The following CDYL2 variants were observed in gnomAD, a reference collection of about 807,000 sequenced individuals.
CDYL2 encodes chromodomain Y-like protein 2.
CDYL2 carries 23 observed loss-of-function variants against 49.4 expected under a neutral mutation model. The ratio of observed to expected loss-of-function variants is 0.47; its 90% CI spans 0.34 to 0.66. The LOEUF (loss-of-function observed/expected upper bound fraction) is 0.66, where lower values mean the gene tolerates loss of function less well. Ranked by LOEUF, CDYL2 falls within the 30% of genes least tolerant of loss-of-function variation. The pLI is 0.01. For missense variants in CDYL2, 678 were observed against 656.4 expected (o/e 1.03, Z -0.36); for synonymous variants, 360 against 268.8 (o/e 1.34, Z -3.32).
chr16:80,673,580 A>G (rs932615672), intron 2 of CDYL2, among the ~76,000 whole-genome samples: 3 of 152,212 alleles, frequency 2.0e-5, no homozygotes, highest in African/African-American at 7.2e-5. Flanking sequence ...TTAATAATCT[A>G]GACGACAAAA....
At chr16:80,604,975 C>A (rs758264996) in intron 6 of CDYL2, among the ~76,000 whole-genome samples, 15 of 152,324 alleles carry the variant, frequency 9.8e-5, no homozygotes, top group Non-Finnish European at 1.6e-4. Flanking sequence ...TTGTCACATA[C>A]AACTCACCCT....
intron 1 of CDYL2, among the ~76,000 whole-genome samples, chr16:80,712,590 G>A (rs1904657027): frequency 6.6e-6 from 1 of 152,096 alleles, no homozygotes; most frequent in Admixed American, 6.5e-5. Flanking sequence ...AGAAGTGGGT[G>A]GCTGGAGGCA....
At chr16:80,615,089 T>A (rs999969813) in intron 4 of CDYL2, among the ~76,000 whole-genome samples, 7 of 152,094 alleles carry the variant, frequency 4.6e-5, no homozygotes, top group African/African-American at 1.7e-4. Flanking sequence ...GCTTGAGGCA[T>A]CACATTCCCT....
At chr16:80,692,856 C>A (rs961716050) in intron 1 of CDYL2, among the ~76,000 whole-genome samples, 26 of 152,176 alleles carry the variant, frequency 1.7e-4, no homozygotes, top group Admixed American at 1.5e-3. Context: ...AGAAAGAACA[C>A]ACGCCCATAA....
At chr16:80,641,200 A>C (rs1384061383) in intron 2 of CDYL2, among the ~76,000 whole-genome samples, 1 of 152,198 alleles carries the variant, frequency 6.6e-6, no homozygotes, top group Non-Finnish European at 1.5e-5. Flanking sequence ...AAGATTCCAA[A>C]AGCAGCAAGA....
At chr16:80,670,003 A>C (rs895228071) in intron 2 of CDYL2, among the ~76,000 whole-genome samples, 3 of 152,196 alleles carry the variant, frequency 2.0e-5, no homozygotes, top group African/African-American at 7.2e-5. Flanking sequence ...AAGTCTGCCT[A>C]AGTCCACCCA....
At position 80,612,564 on chromosome 16, in the gene CDYL2, T is replaced by TA; in HGVS notation, c.1218+61dup. ...GGTTTCTAGCCCCATGAAGAGCCCC[T>TA]AAACCCAAGGCAGAGGAAGGATCCT... On this transcript the variant is annotated intron_variant, in intron 5 of 6. Coordinates refer to ENST00000570137, the MANE Select transcript of CDYL2 (RefSeq NM_152342.4). This position sits in a 1 kb window ranked among gnomAD's most constrained non-coding sequence, Gnocchi z 5.0. 1 of 1,505,636 alleles carries TA rather than the reference T, an allele frequency of 6.6e-7. No individual in the cohort carries two copies. The highest frequency in any genetic ancestry group is 8.9e-7 in the Non-Finnish European group (1 of 1,118,894). 93.3% of individuals were successfully genotyped at this position (1,505,636 alleles called of 1,614,324 possible). A position where few individuals can be genotyped will look rare whatever the true frequency, so the allele number is the denominator to read the frequency against.
At chr16:80,693,299 T>C (rs1215896671) in intron 1 of CDYL2, among the ~76,000 whole-genome samples, 1 of 152,034 alleles carries the variant, frequency 6.6e-6, no homozygotes. Context: ...AATAAAGTTG[T>C]TTGGAAGACA....
chr16:80,722,064 A>G (rs1455054679), intron 1 of CDYL2, among the ~76,000 whole-genome samples: 1 of 152,222 alleles, frequency 6.6e-6, no homozygotes, highest in African/African-American at 2.4e-5. Flanking sequence ...TCTATAAACA[A>G]ATTAAAATAA....
At chr16:80,802,076 G>A (rs941195660) in intron 1 of CDYL2, among the ~76,000 whole-genome samples, 2 of 152,068 alleles carry the variant, frequency 1.3e-5, no homozygotes, top group Non-Finnish European at 2.9e-5. Context: ...GAGATACTAA[G>A]ATAGTTCCAA....
In CDYL2 at chr16:80,630,751, T is replaced by C. The variant is rs376074149; in HGVS notation, c.834+2268A>G. Among the ~76,000 whole-genome samples the C allele has an allele frequency of 5.3e-5, 8 of 152,078 alleles. No homozygotes were observed. The East Asian group carries it at 7.7e-4, about 15-fold the overall frequency. On this transcript the variant is annotated intron_variant, in intron 3 of 6. Coordinates refer to ENST00000570137, the MANE Select transcript of CDYL2 (RefSeq NM_152342.4). ...GCCACAGTGCTTCCCTCACCATTTG[T>C]CAATCATTCCAGATGGCCGCACCCA...
intron 2 of CDYL2, among the ~76,000 whole-genome samples, chr16:80,656,747 C>A (rs374295456): frequency 2.6e-5 from 4 of 152,138 alleles, no homozygotes; most frequent in African/African-American, 9.7e-5. Context: ...GCCGGGCTCA[C>A]AAACGAGATA....
At chr16:80,740,853 A>G (rs1905708651) in intron 1 of CDYL2, among the ~76,000 whole-genome samples, 1 of 151,476 alleles carries the variant, frequency 6.6e-6, no homozygotes, top group African/African-American at 2.4e-5. Flanking sequence ...TAAAAAAAAA[A>G]AAAGAGGTTT....
At chr16:80,665,803 G>C (rs988556036) in intron 2 of CDYL2, among the ~76,000 whole-genome samples, 1 of 152,144 alleles carries the variant, frequency 6.6e-6, no homozygotes, top group Non-Finnish European at 1.5e-5. Flanking sequence ...AAAAACTCAA[G>C]ACTCTAACTT....
chr16:80,662,782 G>C, intron 2 of CDYL2: 1 of 455,336 alleles, frequency 2.2e-6, no homozygotes. Flanking sequence ...GACAGTGAAG[G>C]GAATCACACT....
At chr16:80,691,398 G>A (rs544066750) in intron 1 of CDYL2, among the ~76,000 whole-genome samples, 14 of 152,234 alleles carry the variant, frequency 9.2e-5, no homozygotes, top group Admixed American at 3.9e-4. Context: ...GGTTTTTCCC[G>A]TCCAGTGCAG....
intron 2 of CDYL2, among the ~76,000 whole-genome samples, chr16:80,636,753 C>T (rs190758273): frequency 3.9e-5 from 6 of 152,288 alleles, no homozygotes; most frequent in South Asian, 2.1e-4. Context: ...CACATGCACA[C>T]GTATGTTTAC....
intron 2 of CDYL2, among the ~76,000 whole-genome samples, chr16:80,651,375 C>T (rs985922570): frequency 5.9e-5 from 9 of 152,228 alleles, no homozygotes; most frequent in Admixed American, 1.3e-4. Context: ...AACTATAAAA[C>T]AGTCTAGTAA....
At chr16:80,712,215 A>ATATATATATCTCTCTC (rs763194077) in intron 1 of CDYL2, among the ~76,000 whole-genome samples, 3 of 128,358 alleles carry the variant, frequency 2.3e-5, no homozygotes, top group Non-Finnish European at 3.5e-5. Context: ...ATATATATAT[A>ATATATATATCTCTCTC]TCTCCAAACC....
Sources: gnomAD v4.1 joint callset for allele counts (sites outside exome capture counted in the v4.1 genomes callset) on GRCh38, gnomAD v4.1.1 for gene constraint, Gnocchi (gnomAD v3.1) non-coding constraint, MANE v1.5 for transcripts, NCBI Gene and HGNC (gene_info 2026-07-23, HGNC 2026-07-21) for gene names.